Variants in CHRM2 observed in about 807,000 individuals in gnomAD.
CHRM2 encodes muscarinic acetylcholine receptor M2.
In CHRM2, 8 loss-of-function variants were observed where a neutral mutation model predicts 25.0. The observed-to-expected ratio is 0.32, with a 90% CI of 0.19 to 0.58. CHRM2 has a LOEUF of 0.58. Among genes scored for constraint, CHRM2 ranks in the 20% least tolerant of loss-of-function variants. CHRM2 has a pLI of 0.88. For synonymous variants in CHRM2, 202 were observed against 205.7 expected, an observed-to-expected ratio of 0.98 and a Z score of 0.15; for missense variants, 440 against 567.1, an observed-to-expected ratio of 0.78 and a Z score of 2.28.
intron 2 of CHRM2, among the ~76,000 whole-genome samples, chr7:136,894,219 C>T (rs552870573): frequency 2.6e-5 from 4 of 152,172 alleles, no homozygotes; most frequent in African/African-American, 9.6e-5. Flanking sequence ...ACTCTATGCA[C>T]AAATGAGAAA....
intron 3 of CHRM2, among the ~76,000 whole-genome samples, chr7:136,993,882 CAT>C (rs1203404132): frequency 3.3e-5 from 5 of 152,008 alleles, no homozygotes; most frequent in African/African-American, 1.2e-4. Flanking sequence ...GCATAGAAAT[CAT>C]AGCCATCAAC....
At chr7:136,881,908 C>T (rs889710566) in intron 2 of CHRM2, among the ~76,000 whole-genome samples, 10 of 152,110 alleles carry the variant, frequency 6.6e-5, no homozygotes, top group East Asian at 3.9e-4. Flanking sequence ...ATGGCCATGA[C>T]GAAGCTAAGT....
At chr7:136,976,305 T>C (rs1802101033) in intron 2 of CHRM2, among the ~76,000 whole-genome samples, 1 of 151,968 alleles carries the variant, frequency 6.6e-6, no homozygotes, top group Non-Finnish European at 1.5e-5. Context: ...GGAGATGGAG[T>C]TAGTGGCATT....
At chr7:136,930,289 A>G (rs1288283381) in intron 2 of CHRM2, among the ~76,000 whole-genome samples, 1 of 152,006 alleles carries the variant, frequency 6.6e-6, no homozygotes, top group African/African-American at 2.4e-5. Context: ...AAAACAAATT[A>G]GCCAGGCATC....
intron 2 of CHRM2, among the ~76,000 whole-genome samples, chr7:136,990,629 CT>C (rs1803161794): frequency 6.6e-6 from 1 of 152,126 alleles, no homozygotes. Flanking sequence ...TGAAGGATAT[CT>C]TTGTTGCTTC....
intron 2 of CHRM2, among the ~76,000 whole-genome samples, chr7:136,970,022 C>A (rs925907681): frequency 6.6e-6 from 1 of 152,136 alleles, no homozygotes; most frequent in Non-Finnish European, 1.5e-5. Context: ...TGGAAGAGTT[C>A]TTTAGTGTCT....
intron 2 of CHRM2, among the ~76,000 whole-genome samples, chr7:136,976,070 G>C (rs1802085879): frequency 6.6e-6 from 1 of 152,152 alleles, no homozygotes; most frequent in Non-Finnish European, 1.5e-5. Flanking sequence ...AGAATGGATA[G>C]AAATTGGCTA....
chr7:136,928,393 AG>A (rs1384413703), intron 2 of CHRM2, among the ~76,000 whole-genome samples: 4 of 152,184 alleles, frequency 2.6e-5, no homozygotes, highest in Non-Finnish European at 5.9e-5. Context: ...GGAAAGTAGT[AG>A]ATGTTTAATA....
chr7:136,960,090 G>C (rs527720718), intron 2 of CHRM2, among the ~76,000 whole-genome samples: 20 of 152,202 alleles, frequency 1.3e-4, no homozygotes, highest in African/African-American at 4.8e-4. Flanking sequence ...CTAGAACTGG[G>C]CACCAAGCAA....
intron 2 of CHRM2, among the ~76,000 whole-genome samples, chr7:136,918,313 T>C (rs967176022): frequency 2.0e-5 from 3 of 152,118 alleles, no homozygotes; most frequent in Admixed American, 6.6e-5. Context: ...ATTTAACATA[T>C]GGATATTTGA....
At chr7:136,887,700 C>T (rs985055304) in intron 2 of CHRM2, among the ~76,000 whole-genome samples, 1 of 152,176 alleles carries the variant, frequency 6.6e-6, no homozygotes, top group African/African-American at 2.4e-5. Context: ...TATTCCATCT[C>T]CCTCCTAAGG....
chr7:136,876,730 T>A (rs1434604424), intron 2 of CHRM2, among the ~76,000 whole-genome samples: 7 of 152,078 alleles, frequency 4.6e-5, no homozygotes, highest in Non-Finnish European at 8.8e-5. Flanking sequence ...TATCTGTATT[T>A]ATTGGGCTCA....
At chr7:136,950,368 T>C (rs1057320114) in intron 2 of CHRM2, among the ~76,000 whole-genome samples, 1 of 152,132 alleles carries the variant, frequency 6.6e-6, no homozygotes, top group Non-Finnish European at 1.5e-5. Flanking sequence ...AGGATGCTCC[T>C]GTCCCTGCGG....
Position 137,015,944 on chromosome 7 carries a change from T to C in CHRM2, c.1079T>C (p.Ile360Thr), listed in dbSNP as rs1414882513. ...CAGAATGGAGATGAAAAGCAGAATA[T>C]TGTAGCCCGCAAGATTGTGAAGATG... is the stretch of plus-strand genomic sequence containing the variant. ...SGQNGDEKQN[I>T]VARKIVKMTK... Residue 360 changes from isoleucine to threonine, a missense_variant, in exon 4 of 4, where the codon ATT becomes ACT. By Grantham distance (89) the Ile-to-Thr change is moderately conservative. Transcript: ENST00000680005. The surrounding 1 kb of genome is among the most constrained non-coding windows in gnomAD (Gnocchi z 5.1). 1.2e-6 allele frequency: 2 copies of C among 1,613,088 alleles called. No homozygotes were observed. Among genetic ancestry groups the C allele is most frequent in the Non-Finnish European group, 1.7e-6 (2 of 1,179,434 alleles).
intron 2 of CHRM2, chr7:136,899,480 C>A (rs1415045826): frequency 6.6e-6 from 1 of 151,946 alleles, no homozygotes; most frequent in Non-Finnish European, 1.5e-5. Flanking sequence ...ATGAGATAAA[C>A]AATATGAAAA....
chr7:136,912,244 G>GA (rs555133575), intron 2 of CHRM2, among the ~76,000 whole-genome samples: 80 of 151,816 alleles, frequency 5.3e-4, no homozygotes, highest in African/African-American at 1.9e-3. Context: ...TGCTGTCAAA[G>GA]AAAAAATAAT....
At chr7:136,885,774 A>G (rs1796438984) in intron 2 of CHRM2, among the ~76,000 whole-genome samples, 1 of 152,218 alleles carries the variant, frequency 6.6e-6, no homozygotes, top group South Asian at 2.1e-4. Context: ...AATCACAGGG[A>G]AAAATTAGAC....
At chr7:136,947,995 C>G (rs567083000) in intron 2 of CHRM2, among the ~76,000 whole-genome samples, 63 of 152,224 alleles carry the variant, frequency 4.1e-4, no homozygotes, top group African/African-American at 1.5e-3. Context: ...GGAGAGATGA[C>G]TTCTGGTGGG....
chr7:136,878,795 G>A (rs1053726597), intron 2 of CHRM2, among the ~76,000 whole-genome samples: 2 of 151,854 alleles, frequency 1.3e-5, no homozygotes, highest in African/African-American at 4.8e-5. Context: ...ATGTGGCTCA[G>A]CATTATTTCC....
Sources: gnomAD v4.1 joint callset for allele counts (sites outside exome capture counted in the v4.1 genomes callset) on GRCh38, gnomAD v4.1.1 for gene constraint, Gnocchi (gnomAD v3.1) non-coding constraint, MANE v1.5 for transcripts, NCBI Gene and HGNC (gene_info 2026-07-23, HGNC 2026-07-21) for gene names.